The following XRCC4 variants were observed in gnomAD, a reference collection of about 807,000 sequenced individuals.
XRCC4 encodes the protein DNA repair protein XRCC4.
A neutral mutation model predicts 39.1 loss-of-function variants in XRCC4; 28 were observed. That is an observed-to-expected ratio of 0.72 (90% CI 0.53 to 0.98). The LOEUF is 0.98. XRCC4 is among the 50% of genes least tolerant of loss of function. The probability of loss-of-function intolerance (pLI) is 0.00; values close to 1 mark genes in which losing one functional copy is unlikely to be tolerated. For missense variants in XRCC4, 350 were observed against 376.4 expected, an observed-to-expected ratio of 0.93 and a Z score of 0.58; for synonymous variants, 123 against 126.4, an observed-to-expected ratio of 0.97 and a Z score of 0.18.
At chr5:83,199,313 G>A (rs1189470061) in intron 4 of XRCC4, among the ~76,000 whole-genome samples, 2 of 152,096 alleles carry the variant, frequency 1.3e-5, no homozygotes, top group Non-Finnish European at 2.9e-5. Context: ...TATAGTTGAA[G>A]GCCATTTCCT....
In XRCC4 at chr5:83,170,003, A is replaced by AT. The variant is rs1325541041; in HGVS notation, c.316-25761dup. On this transcript the variant is annotated intron_variant, in intron 3 of 7. Coordinates refer to ENST00000396027, the MANE Select transcript of XRCC4 (RefSeq NM_003401.5). Reference sequence around the variant, plus strand: ...ACATGTTAATCTTTTGCCATATGTGATTTTTTAGTTTTAGTAGAAACTTAG... The same window carrying AT: ...ACATGTTAATCTTTTGCCATATGTGATTTTTTTAGTTTTAGTAGAAACTTAG... Among the ~76,000 whole-genome samples, 6 of 152,196 alleles carry AT rather than the reference A, an allele frequency of 3.9e-5. No individual in the cohort carries two copies. The East Asian group carries it at 7.7e-4, about 20-fold the overall frequency.
rs779738620 is a variant in XRCC4 at position 83,353,205 on chromosome 5, G to T, written c.968G>T (p.Arg323Ile). The change falls in exon 8 of 8, where the codon AGA becomes ATA. Residue 323 changes from arginine (R) to isoleucine (I), a missense_variant. Transcript: ENST00000396027. ...SAENMSLETL[R>I]NSSPEDLFDE... ...GAAAACATGTCTTTAGAAACTCTGA[G>T]AAACAGCAGCCCAGAAGACCTCTTT... 1 of 1,612,270 alleles carries T rather than the reference G, an allele frequency of 6.2e-7. No individual in the cohort carries two copies. The highest frequency in any genetic ancestry group is 8.5e-7 in the Non-Finnish European group (1 of 1,179,100).
At chr5:83,188,653 A>G (rs1419037987) in intron 3 of XRCC4, among the ~76,000 whole-genome samples, 1 of 152,148 alleles carries the variant, frequency 6.6e-6, no homozygotes, top group Non-Finnish European at 1.5e-5. Flanking sequence ...GGCATGTCAC[A>G]TGGCAAGAGT....
At chr5:83,114,314 A>AT (rs1408724949) in intron 3 of XRCC4, among the ~76,000 whole-genome samples, 15 of 151,790 alleles carry the variant, frequency 9.9e-5, no homozygotes, top group South Asian at 8.3e-4. Flanking sequence ...GCAGGCTTGA[A>AT]TTTTTCCCCC....
intron 7 of XRCC4, among the ~76,000 whole-genome samples, chr5:83,344,811 T>C (rs1756871542): frequency 6.6e-6 from 1 of 152,164 alleles, no homozygotes; most frequent in African/African-American, 2.4e-5. Flanking sequence ...TACCTTCATA[T>C]ACCTTGACAG....
intron 7 of XRCC4, among the ~76,000 whole-genome samples, chr5:83,264,033 G>A (rs188024657): frequency 5.9e-5 from 9 of 152,270 alleles, no homozygotes; most frequent in East Asian, 1.9e-4. Flanking sequence ...AAGATGTAGC[G>A]TATTTCAGCC....
chr5:83,366,831 G>T, the XRCC4 span, among the ~76,000 whole-genome samples: 5,043 of 152,052 alleles, frequency 0.033, 273 homozygotes, highest in African/African-American at 0.12. Context: ...CTTTTTTCAC[G>T]TTATCAGGGA....
At chr5:83,219,252 T>C (rs997665193) in intron 6 of XRCC4, among the ~76,000 whole-genome samples, 1 of 152,148 alleles carries the variant, frequency 6.6e-6, no homozygotes, top group Non-Finnish European at 1.5e-5. Flanking sequence ...CCAAATAAGG[T>C]TGCATTCTTA....
At chr5:83,311,025 G>A (rs1755692377) in intron 7 of XRCC4, 1 of 279,296 alleles carries the variant, frequency 3.6e-6, no homozygotes, top group African/African-American at 2.2e-5. Flanking sequence ...CAGACTTGTG[G>A]CCTCCAGAAT....
chr5:83,260,187 T>C (rs1753702112), intron 7 of XRCC4, among the ~76,000 whole-genome samples: 1 of 152,146 alleles, frequency 6.6e-6, no homozygotes, highest in East Asian at 1.9e-4. Flanking sequence ...GCTCATAGAG[T>C]TCAAGGCATA....
chr5:83,274,219 T>A (rs528832434), intron 7 of XRCC4, among the ~76,000 whole-genome samples: 2 of 152,344 alleles, frequency 1.3e-5, no homozygotes, highest in East Asian at 3.9e-4. Flanking sequence ...GTAAACTGTC[T>A]TCCAAGTCAG....
At chr5:83,334,977 TATGA>T in intron 7 of XRCC4, among the ~76,000 whole-genome samples, 1 of 152,078 alleles carries the variant, frequency 6.6e-6, no homozygotes, top group South Asian at 2.1e-4. Context: ...TTTATTTGAT[TATGA>T]TTCAACACTC....
chr5:83,320,513 T>C (rs1173860343), intron 7 of XRCC4, among the ~76,000 whole-genome samples: 1 of 152,030 alleles, frequency 6.6e-6, no homozygotes, highest in Non-Finnish European at 1.5e-5. Flanking sequence ...TTTGAGAATA[T>C]TGACTCCAAT....
intron 1 of XRCC4, among the ~76,000 whole-genome samples, chr5:83,102,015 G>T (rs1019628078): frequency 1.3e-5 from 2 of 150,356 alleles, no homozygotes; most frequent in African/African-American, 4.9e-5. Context: ...TGATGTAGCT[G>T]CCAAAAACAT....
intron 7 of XRCC4, among the ~76,000 whole-genome samples, chr5:83,287,547 G>T (rs538121291): frequency 6.6e-6 from 1 of 151,856 alleles, no homozygotes; most frequent in South Asian, 2.1e-4. Context: ...ATGGAGAGAG[G>T]TATATAGAAA....
At position 83,329,993 on chromosome 5, in the gene XRCC4, A is replaced by G. The variant is rs939310321; in HGVS notation, c.894-23138A>G. Among the ~76,000 whole-genome samples, 8 of 152,116 alleles carry G rather than the reference A, an allele frequency of 5.3e-5. No individual in the cohort carries two copies. The East Asian group carries it at 1.5e-3, about 29-fold the overall frequency. ...ATTGTGCTTAAGTAGGAGAATGTTT[A>G]GAAGGACATTTATGGTCACCAGATA... On this transcript the variant is annotated intron_variant, in intron 7 of 7. Transcript: ENST00000396027.
Position 83,185,701 on chromosome 5 carries a change from C to T in XRCC4, c.316-10069C>T, listed in dbSNP as rs181844457. Among the ~76,000 whole-genome samples, 579 of 151,974 alleles carry T rather than the reference C, an allele frequency of 3.8e-3. 3 individuals are homozygous for T. The highest frequency in any genetic ancestry group is 6.6e-3 in the Non-Finnish European group (445 of 67,918). On this transcript the variant is annotated intron_variant, in intron 3 of 7. Coordinates refer to ENST00000396027, the MANE Select transcript of XRCC4 (RefSeq NM_003401.5). ...GGTAAATGGATAGAAACTAATGAGA[C>T]TGAATAGCAAGCTCAAAAGCATACT... is the stretch of plus-strand genomic sequence containing the variant.
intron 3 of XRCC4, among the ~76,000 whole-genome samples, chr5:83,188,036 C>T (rs1750531948): frequency 2.0e-5 from 3 of 152,068 alleles, no homozygotes; most frequent in Non-Finnish European, 4.4e-5. Context: ...AAAATTAAAG[C>T]ATATTTGTAT....
chr5:83,282,315 T>C (rs1188938966), intron 7 of XRCC4, among the ~76,000 whole-genome samples: 1 of 151,528 alleles, frequency 6.6e-6, no homozygotes, highest in African/African-American at 2.4e-5. Context: ...ATATTTATAA[T>C]AGCAAAAAAA....
Sources: gnomAD v4.1 joint callset for allele counts (sites outside exome capture counted in the v4.1 genomes callset) on GRCh38, gnomAD v4.1.1 for gene constraint, MANE v1.5 for transcripts, NCBI Gene and HGNC (gene_info 2026-07-23, HGNC 2026-07-21) for gene names.